Variants in RAB28 observed in about 807,000 individuals in gnomAD.
RAB28 encodes the protein RAB28, member RAS oncogene family.
A neutral mutation model predicts 31.7 loss-of-function variants in RAB28; 24 were observed. The ratio of observed to expected loss-of-function variants is 0.76; its 90% confidence interval spans 0.55 to 1.06. RAB28 has a LOEUF of 1.06. Ranked by LOEUF, RAB28 falls within the 50% of genes least tolerant of loss-of-function variation. The probability of loss-of-function intolerance (pLI) is 0.00; values close to 1 mark genes in which losing one functional copy is unlikely to be tolerated. For missense variants in RAB28, 254 were observed against 258.5 expected (o/e 0.98, Z 0.12); for synonymous variants, 100 against 90.4 (o/e 1.11, Z -0.60).
chr4:13,391,446 C>G (rs778629210), intron 4 of RAB28, among the ~76,000 whole-genome samples: 2 of 152,168 alleles, frequency 1.3e-5, no homozygotes, highest in Non-Finnish European at 2.9e-5. Context: ...AACGCTTTTA[C>G]GCTGTTGGTG....
chr4:13,426,530 C>T (rs1304749543), intron 4 of RAB28, among the ~76,000 whole-genome samples: 1 of 152,134 alleles, frequency 6.6e-6, no homozygotes, highest in Non-Finnish European at 1.5e-5. Context: ...AATATCCCAC[C>T]TTCCATGTCC....
chr4:13,381,058 G>A (rs1456163228), intron 5 of RAB28, among the ~76,000 whole-genome samples: 1 of 151,992 alleles, frequency 6.6e-6, no homozygotes, highest in Non-Finnish European at 1.5e-5. Context: ...TATTAGCCGT[G>A]TAATCTGGAC....
At chr4:13,426,205 G>C (rs1265330154) in intron 4 of RAB28, among the ~76,000 whole-genome samples, 1 of 152,050 alleles carries the variant, frequency 6.6e-6, no homozygotes, top group African/African-American at 2.4e-5. Context: ...ATTCTCATGA[G>C]ATTTTCATAA....
At position 13,481,522 on chromosome 4, in the gene RAB28, T is replaced by G. The variant is rs530326549; in HGVS notation, c.76-1996A>C. On this transcript the variant is annotated intron_variant, in intron 1 of 6. Coordinates refer to ENST00000330852, the MANE Select transcript of RAB28 (RefSeq NM_001017979.3). ...AATATTTTTATCTGAATCTTTATAT[T>G]TTTTGATTTGGAAAATTTCTACTAA... 3.3e-5 allele frequency among the ~76,000 whole-genome samples: 5 copies of G among 152,182 alleles called. No homozygotes were observed. The South Asian group carries it at 1.0e-3, about 32-fold the overall frequency.
At chr4:13,441,514 A>C (rs1714414368) in intron 4 of RAB28, among the ~76,000 whole-genome samples, 1 of 152,218 alleles carries the variant, frequency 6.6e-6, no homozygotes, top group Non-Finnish European at 1.5e-5. Context: ...TCTGTAAATC[A>C]ATGTGCTACA....
chr4:13,393,146 T>C (rs901108795), intron 4 of RAB28, among the ~76,000 whole-genome samples: 1 of 152,206 alleles, frequency 6.6e-6, no homozygotes, highest in Non-Finnish European at 1.5e-5. Context: ...AACAAAGATC[T>C]GTATAAGACA....
intron 2 of RAB28, among the ~76,000 whole-genome samples, chr4:13,474,893 C>G (rs565333318): frequency 5.3e-5 from 8 of 151,652 alleles, no homozygotes; most frequent in East Asian, 1.9e-4. Context: ...AATTTCAGCT[C>G]AAATTAATGA....
intron 4 of RAB28, chr4:13,459,586 T>C (rs1715480904): frequency 4.4e-6 from 1 of 229,260 alleles, no homozygotes; most frequent in African/African-American, 2.3e-5. Flanking sequence ...TTTTATAATT[T>C]TTCTCTGCTA....
chr4:13,368,630 A>G lies in RAB28; in HGVS notation c.594T>C (p.Ile198=), dbSNP rs183586599. ...ACATAGGTTCCTGGTTGTAGTTTAC[A>G]ATATCTGCCTTCACCACCCTCTGTC... ...EQSQRVVKAD[I]VNYNQEPMSR... Residue 198 remains isoleucine, a synonymous_variant, in exon 7 of 7, where the codon ATT becomes ATC. Transcript: ENST00000330852. The G allele has an allele frequency of 3.9e-5, 63 of 1,612,050 alleles. No homozygotes were observed. The highest frequency in any genetic ancestry group is 5.3e-5 in the Non-Finnish European group (62 of 1,178,874).
intron 4 of RAB28, among the ~76,000 whole-genome samples, chr4:13,385,001 A>C (rs564970564): frequency 6.6e-6 from 1 of 152,342 alleles, no homozygotes; most frequent in East Asian, 1.9e-4. Flanking sequence ...CCAGTACAGA[A>C]AAGAATATAG....
At chr4:13,442,261 T>G (rs1370445470) in intron 4 of RAB28, among the ~76,000 whole-genome samples, 1 of 152,192 alleles carries the variant, frequency 6.6e-6, no homozygotes, top group African/African-American at 2.4e-5. Context: ...GAGCTAAGTA[T>G]GAAGGACACA....
chr4:13,383,462 T>C (rs1319305697), intron 4 of RAB28, among the ~76,000 whole-genome samples: 1 of 152,112 alleles, frequency 6.6e-6, no homozygotes, highest in East Asian at 1.9e-4. Flanking sequence ...AGACTAGTAG[T>C]ACCATTGTTC....
At chr4:13,474,259 C>T (rs1716248981) in intron 3 of RAB28, 59 bp downstream of exon 3, 1 of 1,100,238 alleles carries the variant, frequency 9.1e-7, no homozygotes, top group South Asian at 1.3e-5. Context: ...AGTAGATTTG[C>T]ATGTGTGCTT....
intron 3 of RAB28, among the ~76,000 whole-genome samples, chr4:13,473,336 T>C (rs1317770826): frequency 6.6e-6 from 1 of 151,452 alleles, no homozygotes; most frequent in Non-Finnish European, 1.5e-5. Flanking sequence ...TACCCCTAAG[T>C]CTCCAGATGA....
intron 3 of RAB28, among the ~76,000 whole-genome samples, chr4:13,473,403 C>T (rs190937093): frequency 1.1e-4 from 17 of 151,908 alleles, no homozygotes; most frequent in Admixed American, 2.6e-4. Flanking sequence ...AAAGAAATAG[C>T]ACATCAAGTA....
intron 4 of RAB28, among the ~76,000 whole-genome samples, chr4:13,392,060 G>A (rs1401315197): frequency 1.3e-5 from 2 of 152,062 alleles, no homozygotes; most frequent in Non-Finnish European, 2.9e-5. Flanking sequence ...TGCATGTTGT[G>A]CACATGTACC....
chr4:13,440,325 C>T (rs1274754922), intron 4 of RAB28, among the ~76,000 whole-genome samples: 1 of 151,894 alleles, frequency 6.6e-6, no homozygotes, highest in African/African-American at 2.4e-5. Context: ...TTTTGGCATC[C>T]ATTAGAAGTA....
At chr4:13,385,284 A>T (rs902979733) in intron 4 of RAB28, among the ~76,000 whole-genome samples, 8 of 152,216 alleles carry the variant, frequency 5.3e-5, no homozygotes, top group African/African-American at 1.9e-4. Context: ...ATATTTCAAG[A>T]TATCATCCAT....
intron 4 of RAB28, among the ~76,000 whole-genome samples, chr4:13,435,599 C>T (rs990919380): frequency 5.3e-5 from 8 of 152,116 alleles, no homozygotes; most frequent in Non-Finnish European, 8.8e-5. Flanking sequence ...GCAAACACGT[C>T]CATGTGCACA....
Sources: allele counts gnomAD v4.1 joint callset (sites outside exome capture counted in the v4.1 genomes callset), GRCh38; gene constraint gnomAD v4.1.1; transcripts MANE v1.5; gene names NCBI Gene and HGNC (gene_info 2026-07-23, HGNC 2026-07-21).